Variants in ZNF225 observed in about 807,000 individuals in gnomAD.
The protein encoded by ZNF225 is zinc finger protein 225.
In ZNF225, 6 loss-of-function variants were observed where a neutral mutation model predicts 12.0. The ratio of observed to expected loss-of-function variants is 0.50; its 90% CI spans 0.27 to 0.98. The LOEUF (loss-of-function observed/expected upper bound fraction) is 0.98, where lower values mean the gene tolerates loss of function less well. ZNF225 is among the 50% of genes least tolerant of loss of function. The pLI, the probability that ZNF225 is intolerant of heterozygous loss-of-function variation, is 0.11. For synonymous variants in ZNF225, 271 were observed against 283.2 expected (o/e 0.96, Z 0.43); for missense variants, 763 against 848.2 (o/e 0.90, Z 1.25).
At chr19:44,120,878 G>A (rs538452883) in intron 4 of ZNF225, among the ~76,000 whole-genome samples, 1 of 144,754 alleles carries the variant, frequency 6.9e-6, no homozygotes, top group African/African-American at 2.6e-5. Flanking sequence ...ACTCTTTCCC[G>A]CAAGTCCCCA....
In ZNF225 at chr19:44,115,817, T is replaced by C. The variant is rs1312689177; in HGVS notation, c.-11T>C. 3 of 1,612,978 alleles carry C rather than the reference T, an allele frequency of 1.9e-6. No individual in the cohort carries two copies. The highest frequency in any genetic ancestry group is 1.3e-5 in the African/African-American group (1 of 74,882). Reference sequence around the variant, plus strand: ...TCAGGACTCTGAATATTCCCTGAAATAGGAGGAAAAATGACCACGTTGAAG... The same window carrying C: ...TCAGGACTCTGAATATTCCCTGAAACAGGAGGAAAAATGACCACGTTGAAG... On this transcript the variant is annotated 5_prime_UTR_variant, in exon 2 of 5. Coordinates refer to ENST00000262894, the MANE Select transcript of ZNF225 (RefSeq NM_013362.4).
In ZNF225 at chr19:44,131,097, C is replaced by T. The variant is rs201221735; in HGVS notation, c.483C>T (p.Ser161=). 57 of 1,614,102 alleles carry T rather than the reference C, an allele frequency of 3.5e-5. No homozygotes were observed. The East Asian group carries it at 8.5e-4, about 24-fold the overall frequency. The change falls in exon 5 of 5, where the codon TCC becomes TCT. Residue 161 remains serine, a synonymous_variant. Coordinates refer to ENST00000262894, the MANE Select transcript of ZNF225 (RefSeq NM_013362.4). ...RTCKKSFSDV[S]VLDLHQQLQS... is the part of the protein sequence containing the mutation. The stretch of plus-strand genomic sequence containing the variant: ...GTAAAAAGTCCTTTAGTGATGTCTC[C>T]GTCCTTGATCTTCATCAACAACTAC...
rs112853662 is a variant in ZNF225, at chr19:44,114,159, C to A, written c.-69+590C>A. The A allele has an allele frequency of 4.7e-3, 4,472 of 947,076 alleles. 19 individuals carry two copies. Among genetic ancestry groups the A allele is most frequent in the South Asian group, 8.6e-3 (591 of 68,866 alleles). The allele number at this position is 947,076 out of a possible 1,614,324, so 58.7% of individuals were successfully genotyped here. A position where few individuals can be genotyped will look rare whatever the true frequency, so the allele number is the denominator to read the frequency against. On this transcript the variant is annotated intron_variant, in intron 1 of 4. Transcript: ENST00000262894. ...CAGCCTTCTCCTTACCCAGCCCGAC[C>A]TTTCCAAAAGAGCTGCAGGGAGGGA...
chr19:44,119,654 C>A (rs1968014217), intron 4 of ZNF225, among the ~76,000 whole-genome samples: 1 of 152,222 alleles, frequency 6.6e-6, no homozygotes, highest in African/African-American at 2.4e-5. Flanking sequence ...ACCTCTCTTT[C>A]TTGTTAGCTG....
At chr19:44,118,338 G>C (rs1314837560) in intron 3 of ZNF225, 24 bp downstream of exon 3, 5 of 1,610,042 alleles carry the variant, frequency 3.1e-6, no homozygotes, top group African/African-American at 1.3e-5. Context: ...CCCTTTGTAA[G>C]GGAACATCAG....
In ZNF225 at chr19:44,134,730, A is replaced by G. The variant is rs562046602; in HGVS notation, c.*1995A>G. On this transcript the variant is annotated 3_prime_UTR_variant, in exon 5 of 5. Coordinates refer to ENST00000262894, the MANE Select transcript of ZNF225 (RefSeq NM_013362.4). ...ATCAACTTGGTTACAACATGGTGTT[A>G]ACATGTGGGACTGATTGTGTTTCTT... The G allele has an allele frequency of 3.3e-5, 5 of 152,336 alleles. No homozygotes were observed. In the South Asian group the frequency reaches 1.0e-3, roughly 32 times the overall value. 9.4% of individuals were successfully genotyped at this position (152,336 alleles called of 1,614,324 possible).
At chr19:44,115,382 C>A (rs1345214232) in intron 1 of ZNF225, among the ~76,000 whole-genome samples, 1 of 152,168 alleles carries the variant, frequency 6.6e-6, no homozygotes, top group Non-Finnish European at 1.5e-5. Flanking sequence ...TATGCAGAGA[C>A]CACCTATCTA....
intron 1 of ZNF225, chr19:44,114,253 AC>A (rs1350258291): frequency 4.5e-5 from 38 of 840,000 alleles, no homozygotes; most frequent in Non-Finnish European, 7.6e-5. Flanking sequence ...AGAGATGCTC[AC>A]CCCAACCGAG....
At chr19:44,121,272 C>T (rs905881718) in intron 4 of ZNF225, among the ~76,000 whole-genome samples, 2 of 152,194 alleles carry the variant, frequency 1.3e-5, no homozygotes, top group Non-Finnish European at 2.9e-5. Flanking sequence ...TGAGTTACTT[C>T]ACTTAGAATA....
At chr19:44,126,731 T>C (rs921911018) in intron 4 of ZNF225, among the ~76,000 whole-genome samples, 1 of 152,086 alleles carries the variant, frequency 6.6e-6, no homozygotes, top group African/African-American at 2.4e-5. Context: ...CTGTAGGGGA[T>C]GTGGGTGAGG....
chr19:44,132,436 A>C lies in ZNF225; in HGVS notation c.1822A>C (p.Asn608His). The C allele has an allele frequency of 1.2e-6, 2 of 1,614,182 alleles. No individual in the cohort carries two copies. Among genetic ancestry groups the C allele is most frequent in the Non-Finnish European group, 1.7e-6 (2 of 1,180,026 alleles). Residue 608 changes from asparagine to histidine, a missense_variant, in exon 5 of 5, where the codon AAT (asparagine) becomes CAT (histidine). Physicochemically the swap from Asn to His is moderately conservative, Grantham distance 68 (BLOSUM62 1). Transcript: ENST00000262894. ...CEECGKRFTE[N>H]SQLHSHQRVH... ...AGAGTGTGGGAAGAGATTTACTGAG[A>C]ATTCACAGCTTCATTCCCATCAGAG...
chr19:44,125,957 G>A (rs537291591), intron 4 of ZNF225, among the ~76,000 whole-genome samples: 2 of 151,690 alleles, frequency 1.3e-5, no homozygotes, highest in African/African-American at 4.8e-5. Flanking sequence ...TCATTTTTTG[G>A]ATTTCCTTGT....
chr19:44,132,938 G>C lies in ZNF225; in HGVS notation c.*203G>C. 2.2e-6 allele frequency: 1 copy of C among 452,140 alleles called. No homozygotes were observed. The highest frequency in any genetic ancestry group is 2.0e-5 in the African/African-American group (1 of 49,868). The allele number at this position is 452,140 out of a possible 1,614,324, so 28.0% of individuals were successfully genotyped here. On this transcript the variant is annotated 3_prime_UTR_variant, in exon 5 of 5. Coordinates refer to ENST00000262894, the MANE Select transcript of ZNF225 (RefSeq NM_013362.4). ...CACCCTGTAGTGGTGTAAAACACTA[G>C]AACTTATTCCTCCTACCTGCCTGTA...
rs767945650 is a variant in ZNF225, at chr19:44,131,618, G to T, written c.1004G>T (p.Arg335Leu). 2.5e-6 allele frequency: 4 copies of T among 1,614,024 alleles called. No homozygotes were observed. In the South Asian group the frequency reaches 4.4e-5, roughly 18 times the overall value. The stretch of plus-strand genomic sequence containing the variant: ...CTGAAATCAGCACTTAATAGTCATC[G>T]CATGGTCCACACAGGAGAGAAACGG... ...FGLKSALNSH[R>L]MVHTGEKRYK... is the part of the protein sequence containing the mutation. Residue 335 changes from arginine (R) to leucine (L), a missense_variant, in exon 5 of 5, where the codon CGC becomes CTC. By Grantham distance (102) the Arg-to-Leu change is moderately radical. Transcript: ENST00000262894.
chr19:44,126,647 A>G (rs2147567976), intron 4 of ZNF225, among the ~76,000 whole-genome samples: 1 of 152,132 alleles, frequency 6.6e-6, no homozygotes, highest in African/African-American at 2.4e-5. Flanking sequence ...GTGGGTAGGG[A>G]AGGACCATCA....
intron 4 of ZNF225, chr19:44,129,140 T>C: frequency 1.6e-6 from 2 of 1,224,228 alleles, no homozygotes; most frequent in Non-Finnish European, 2.0e-6. Context: ...CAAATGAGAT[T>C]ATACATGTTC....
chr19:44,125,148 T>G (rs1318506771), intron 4 of ZNF225, among the ~76,000 whole-genome samples: 1 of 152,208 alleles, frequency 6.6e-6, no homozygotes, highest in Admixed American at 6.5e-5. Context: ...TGATTTATGC[T>G]TTAAAGAGGT....
Position 44,132,322 on chromosome 19 carries a change from T to G in ZNF225, c.1708T>G (p.Cys570Gly). 1 of 1,614,016 alleles carries G rather than the reference T, an allele frequency of 6.2e-7. No homozygotes were observed. The highest frequency in any genetic ancestry group is 8.5e-7 in the Non-Finnish European group (1 of 1,179,986). Residue 570 changes from cysteine to glycine, a missense_variant, in exon 5 of 5, where the codon TGT becomes GGT. Cys to Gly is a radical substitution (Grantham distance 159). Coordinates refer to ENST00000262894, the MANE Select transcript of ZNF225 (RefSeq NM_013362.4). ...RVHTGERPYN[C>G]KECGKSFSRA... ...CCACACCGGAGAGAGACCTTATAAT[T>G]GTAAAGAATGTGGGAAGAGCTTTAG...
At position 44,118,209 on chromosome 19, in the gene ZNF225, G is replaced by A. The variant is rs775732314; in HGVS notation, c.37G>A (p.Val13Met). 20 of 1,612,632 alleles carry A rather than the reference G, an allele frequency of 1.2e-5. No homozygotes were observed. The South Asian group carries it at 1.4e-4, about 12-fold the overall frequency. ...TLKEAVTFKD[V>M]AVVFTEEELR... Reference sequence around the variant, plus strand: ...GTAGGAGGCAGTGACCTTCAAGGACGTGGCTGTGGTCTTCACTGAGGAAGA... The same window carrying A: ...GTAGGAGGCAGTGACCTTCAAGGACATGGCTGTGGTCTTCACTGAGGAAGA... Residue 13 changes from valine (V) to methionine (M), a missense_variant, in exon 3 of 5, where the codon GTG becomes ATG. By Grantham distance (21) the Val-to-Met change is conservative (BLOSUM62 1). Transcript: ENST00000262894.
Sources: gnomAD v4.1 joint callset for allele counts (sites outside exome capture counted in the v4.1 genomes callset) on GRCh38, gnomAD v4.1.1 for gene constraint, MANE v1.5 for transcripts, NCBI Gene and HGNC (gene_info 2026-07-23, HGNC 2026-07-21) for gene names.